PAGE2B: variants seen among roughly 807,000 people sequenced by gnomAD.
PAGE2B encodes the protein putative G antigen family E member 3.
In PAGE2B, 5 loss-of-function variants were observed where a neutral mutation model predicts 7.6. The ratio of observed to expected loss-of-function variants is 0.66; its 90% CI spans 0.34 to 1.38. The LOEUF is 1.38. Among genes scored for constraint, PAGE2B ranks in the 40% most tolerant of loss-of-function variants. The probability of loss-of-function intolerance (pLI) is 0.04; values close to 1 mark genes in which losing one functional copy is unlikely to be tolerated. For synonymous variants in PAGE2B, 29 were observed against 26.7 expected, an observed-to-expected ratio of 1.09 and a Z score of -0.27; for missense variants, 70 against 78.4, an observed-to-expected ratio of 0.89 and a Z score of 0.41.
At chrX:55,036,508 G>A in the PAGE2B span, among the ~76,000 whole-genome samples, 2 of 111,311 alleles carry the variant, frequency 1.8e-5, no homozygotes, top group African/African-American at 3.3e-5. Flanking sequence ...TTTTTAGCAT[G>A]AAGGGTTGTT....
At chrX:55,050,565 G>A in the PAGE2B span, among the ~76,000 whole-genome samples, 1 of 110,535 alleles carries the variant, frequency 9.0e-6, no homozygotes, top group East Asian at 2.8e-4. Context: ...TTATGTAATG[G>A]CCTTCTTTGT....
chrX:55,051,192 G>T, the PAGE2B span, among the ~76,000 whole-genome samples: 2 of 111,706 alleles, frequency 1.8e-5, no homozygotes, highest in Non-Finnish European at 3.8e-5. Flanking sequence ...TTAGTCTGAT[G>T]GGCTTCCCTT....
At chrX:55,047,113 G>A in the PAGE2B span, among the ~76,000 whole-genome samples, 1 of 108,193 alleles carries the variant, frequency 9.2e-6, no homozygotes, top group African/African-American at 3.4e-5. Context: ...GGTGTGTGAT[G>A]TTCCCCTTCC....
At chrX:55,038,661 G>A in the PAGE2B span, among the ~76,000 whole-genome samples, 2 of 111,668 alleles carry the variant, frequency 1.8e-5, no homozygotes, top group African/African-American at 6.5e-5. Context: ...ATAAGATGAT[G>A]GAGTTGAATT....
At chrX:55,050,163 G>A in the PAGE2B span, among the ~76,000 whole-genome samples, 22 of 112,475 alleles carry the variant, frequency 2.0e-4, no homozygotes, top group African/African-American at 2.3e-4. Flanking sequence ...TTGCACTGTG[G>A]TCTGAGAGAC....
At chrX:55,066,452 G>A in the PAGE2B span, among the ~76,000 whole-genome samples, 3 of 112,009 alleles carry the variant, frequency 2.7e-5, no homozygotes, top group Non-Finnish European at 5.6e-5. Context: ...TGCCCTTTAG[G>A]ATTTCTTGTA....
At chrX:55,033,002 T>C in the PAGE2B span, among the ~76,000 whole-genome samples, 2 of 111,225 alleles carry the variant, frequency 1.8e-5, no homozygotes, top group African/African-American at 6.6e-5. Flanking sequence ...CACTGGATCT[T>C]GTTCCCTCTT....
the PAGE2B span, among the ~76,000 whole-genome samples, chrX:55,029,125 T>A: frequency 1.3e-4 from 15 of 112,004 alleles, no homozygotes; most frequent in Non-Finnish European, 2.4e-4. Context: ...TTTCTCCATT[T>A]CCCATGTAGA....
the PAGE2B span, among the ~76,000 whole-genome samples, chrX:55,052,631 G>A: frequency 8.9e-6 from 1 of 112,931 alleles, no homozygotes; most frequent in Non-Finnish European, 1.9e-5. Flanking sequence ...TAATCTCCTG[G>A]TGTGCCATTT....
Position 55,076,038 on chromosome X carries a change from A to T in PAGE2B, c.-4A>T, listed in dbSNP as rs1447593657. ...ATAACAGTATTCTATTTTCAGTGGG[A>T]AATATGAGTGAGCATGTGAGAACAA... On this transcript the variant is annotated 5_prime_UTR_variant, in exon 2 of 5. Transcript: ENST00000374971. The T allele has an allele frequency of 8.3e-7, 1 of 1,205,278 alleles. No individual in the cohort carries two copies. The highest frequency in any genetic ancestry group is 1.1e-6 in the Non-Finnish European group (1 of 890,787).
chrX:55,070,457 G>A (rs948824612), upstream of PAGE2B, among the ~76,000 whole-genome samples: 4 of 111,632 alleles, frequency 3.6e-5, no homozygotes, highest in African/African-American at 1.3e-4. Flanking sequence ...TTCCAATTAT[G>A]TGGTCAATTT....
At chrX:55,057,788 A>G in the PAGE2B span, among the ~76,000 whole-genome samples, 2 of 111,979 alleles carry the variant, frequency 1.8e-5, no homozygotes, top group Non-Finnish European at 3.8e-5. Context: ...CCAGTATCAA[A>G]GAGTTCTACG....
At chrX:55,038,221 T>C in the PAGE2B span, among the ~76,000 whole-genome samples, 11 of 110,787 alleles carry the variant, frequency 9.9e-5, no homozygotes, top group Admixed American at 1.1e-3. Context: ...AATTCACATA[T>C]TCATAATATG....
At chrX:55,074,324 A>C (rs1936479414), upstream of PAGE2B, among the ~76,000 whole-genome samples, 1 of 112,366 alleles carries the variant, frequency 8.9e-6, no homozygotes, top group Admixed American at 9.4e-5. Flanking sequence ...AGAAAAGGAG[A>C]AATCAATGAG....
chrX:55,049,761 C>G, the PAGE2B span, among the ~76,000 whole-genome samples: 2 of 111,466 alleles, frequency 1.8e-5, no homozygotes, highest in East Asian at 5.6e-4. Context: ...AAACCAGCTC[C>G]TAGATTCATT....
chrX:55,063,991 T>A, the PAGE2B span, among the ~76,000 whole-genome samples: 2 of 111,715 alleles, frequency 1.8e-5, no homozygotes, highest in African/African-American at 3.3e-5. Flanking sequence ...ATATCAATAT[T>A]CATCAGTGAT....
the PAGE2B span, among the ~76,000 whole-genome samples, chrX:55,031,325 TG>T: frequency 6.4e-3 from 714 of 111,562 alleles, 3 homozygotes; most frequent in African/African-American, 0.022. Flanking sequence ...TGGCACAAGT[TG>T]GGAGGGCTCT....
At chrX:55,049,951 A>C in the PAGE2B span, among the ~76,000 whole-genome samples, 3 of 112,160 alleles carry the variant, frequency 2.7e-5, no homozygotes, top group East Asian at 8.4e-4. Flanking sequence ...ATTTAGTGCT[A>C]TAAATTTTCC....
At chrX:55,043,891 A>G in the PAGE2B span, among the ~76,000 whole-genome samples, 7,780 of 108,707 alleles carry the variant, frequency 0.072, 688 homozygotes, top group African/African-American at 0.24. Flanking sequence ...ACTTGAACCC[A>G]GGAGGCAGAG....
Sources: allele counts gnomAD v4.1 joint callset (sites outside exome capture counted in the v4.1 genomes callset), GRCh38; gene constraint gnomAD v4.1.1; transcripts MANE v1.5; gene names NCBI Gene and HGNC (gene_info 2026-07-23, HGNC 2026-07-21).